Variants in CEP128 observed in about 807,000 individuals in gnomAD.
CEP128 encodes centrosomal protein 128kDa.
In CEP128, 132 loss-of-function variants were observed where a neutral mutation model predicts 156.7. The observed-to-expected ratio is 0.84, with a 90% CI of 0.73 to 0.97. The LOEUF is 0.97. Among genes scored for constraint, CEP128 ranks in the 50% least tolerant of loss-of-function variants. The pLI is 0.00. For missense variants in CEP128, 1,252 were observed against 1,281.9 expected (o/e 0.98, Z 0.36); for synonymous variants, 469 against 448.9 (o/e 1.04, Z -0.57).
At chr14:80,498,140 G>A (rs76262263) in intron 24 of CEP128, among the ~76,000 whole-genome samples, 1,687 of 152,062 alleles carry the variant, frequency 0.011, 34 homozygotes, top group African/African-American at 0.038. Context: ...TGATATACCC[G>A]TCTGCCCAGT....
intron 19 of CEP128, among the ~76,000 whole-genome samples, chr14:80,682,344 T>A (rs1055664960): frequency 6.6e-6 from 1 of 152,046 alleles, no homozygotes; most frequent in African/African-American, 2.4e-5. Context: ...AAGAAAAAAA[T>A]TCACAGCTTG....
At chr14:80,871,846 A>G (rs915434258) in intron 8 of CEP128, among the ~76,000 whole-genome samples, 1 of 152,126 alleles carries the variant, frequency 6.6e-6, no homozygotes, top group African/African-American at 2.4e-5. Context: ...GGCTTTTAAG[A>G]TTAGTATTTA....
In CEP128 at chr14:80,785,388, T is replaced by C. The variant is rs1901351040; in HGVS notation, c.1718A>G (p.His573Arg). The change falls in exon 15 of 25, where the codon CAT becomes CGT. Residue 573 changes from histidine (H) to arginine (R), a missense_variant. Coordinates refer to ENST00000555265, the MANE Select transcript of CEP128 (RefSeq NM_152446.5). Reference protein sequence around the residue: ...KEEKLRDIKSHQADLELEVKN... With the variant: ...KEEKLRDIKSRQADLELEVKN... ...AACTTCCAATTCAAGGTCAGCTTGA[T>C]GAGACTTAATATCACGTAATTTCTC... The C allele has an allele frequency of 6.2e-7, 1 of 1,613,342 alleles. No homozygotes were observed.
chr14:80,771,448 T>C (rs1185948649), intron 16 of CEP128, among the ~76,000 whole-genome samples: 2 of 152,256 alleles, frequency 1.3e-5, no homozygotes, highest in Non-Finnish European at 2.9e-5. Context: ...GAATTATAAC[T>C]ACCATTTTTT....
At chr14:80,798,883 T>G (rs73344643) in intron 13 of CEP128, among the ~76,000 whole-genome samples, 4,130 of 152,320 alleles carry the variant, frequency 0.027, 79 homozygotes, top group Middle Eastern at 0.071. Context: ...TTGGGCACCT[T>G]GGTGAACATT....
intron 19 of CEP128, among the ~76,000 whole-genome samples, chr14:80,704,516 A>G (rs1897174305): frequency 6.6e-6 from 1 of 152,064 alleles, no homozygotes; most frequent in Non-Finnish European, 1.5e-5. Context: ...GCTCTAATGC[A>G]AGTTTTTATG....
At chr14:80,656,479 C>T (rs1363074723) in intron 19 of CEP128, among the ~76,000 whole-genome samples, 1 of 150,754 alleles carries the variant, frequency 6.6e-6, no homozygotes, top group Non-Finnish European at 1.5e-5. Flanking sequence ...AATATGAGAG[C>T]CGTGAGTAAA....
chr14:80,800,351 TAA>T (rs1281656064), intron 13 of CEP128, among the ~76,000 whole-genome samples: 3 of 152,232 alleles, frequency 2.0e-5, no homozygotes, highest in African/African-American at 7.2e-5. Flanking sequence ...AGGAACTCGA[TAA>T]AGAGAACTTT....
At chr14:80,732,781 T>C (rs1898341741) in intron 19 of CEP128, among the ~76,000 whole-genome samples, 1 of 151,974 alleles carries the variant, frequency 6.6e-6, no homozygotes, top group African/African-American at 2.4e-5. Flanking sequence ...GGAAAAATAA[T>C]CTGTGTTGGA....
At chr14:80,491,099 A>T (rs1446108023) in intron 6 of CEP128, among the ~76,000 whole-genome samples, 1 of 152,216 alleles carries the variant, frequency 6.6e-6, no homozygotes, top group Non-Finnish European at 1.5e-5. Context: ...CAAAACTATG[A>T]TTTACCCTCA....
upstream of CEP128, among the ~76,000 whole-genome samples, chr14:80,942,714 T>C (rs1886217517): frequency 6.6e-6 from 1 of 152,092 alleles, no homozygotes; most frequent in Admixed American, 6.6e-5. Flanking sequence ...GACCTAACCT[T>C]TTTTGTACAT....
At chr14:80,927,780 T>C (rs1464370004) in intron 2 of CEP128, among the ~76,000 whole-genome samples, 1 of 152,212 alleles carries the variant, frequency 6.6e-6, no homozygotes, top group African/African-American at 2.4e-5. Flanking sequence ...TGTAGCTGTT[T>C]TTCACCATGG....
intron 19 of CEP128, among the ~76,000 whole-genome samples, chr14:80,723,744 A>C (rs946771126): frequency 4.6e-5 from 7 of 152,208 alleles, no homozygotes; most frequent in African/African-American, 1.4e-4. Context: ...TGGAAGCATG[A>C]GCAGGGTTCC....
rs766724436 is a variant in CEP128 at position 80,856,720 on chromosome 14, C to CTTT, written c.762+6034_762+6036dup. Among the ~76,000 whole-genome samples, 42 of 65,190 alleles carry CTTT rather than the reference C, an allele frequency of 6.4e-4. 3 individuals are homozygous for CTTT. The highest frequency in any genetic ancestry group is 8.4e-4 in the Non-Finnish European group (30 of 35,598). The allele number at this position is 65,190 out of a possible 152,430, so 42.8% of individuals were successfully genotyped here. A position where few individuals can be genotyped will look rare whatever the true frequency, so the allele number is the denominator to read the frequency against. ...AGCATTTATCTCATGTTTTTCTTTT[C>CTTT]TTTTTTTTTTTTTTTTTTTTTTTTT... On this transcript the variant is annotated intron_variant, in intron 9 of 24. Coordinates refer to ENST00000555265, the MANE Select transcript of CEP128 (RefSeq NM_152446.5).
intron 21 of CEP128, 52 bp from the exon 22 acceptor site, chr14:80,530,938 T>C: frequency 8.4e-7 from 1 of 1,192,404 alleles, no homozygotes; most frequent in South Asian, 1.4e-5. Context: ...TGATTAATAC[T>C]CTCAGAATCC....
chr14:80,685,580 A>C (rs1014559650), intron 19 of CEP128, among the ~76,000 whole-genome samples: 1 of 152,060 alleles, frequency 6.6e-6, no homozygotes, highest in Non-Finnish European at 1.5e-5. Context: ...ACTTGTTCAC[A>C]TAACTAAAAA....
intron 23 of CEP128, among the ~76,000 whole-genome samples, chr14:80,519,859 C>T (rs960046974): frequency 3.3e-5 from 5 of 152,126 alleles, no homozygotes; most frequent in Non-Finnish European, 7.4e-5. Context: ...AATAAATGGT[C>T]ATATGATGAT....
At chr14:80,798,592 A>G (rs1883636238) in intron 13 of CEP128, among the ~76,000 whole-genome samples, 1 of 152,188 alleles carries the variant, frequency 6.6e-6, no homozygotes, top group Non-Finnish European at 1.5e-5. Flanking sequence ...AATAAACTAT[A>G]TTTTTTGTAG....
At chr14:80,645,917 A>G (rs947447037) in intron 19 of CEP128, among the ~76,000 whole-genome samples, 7 of 152,198 alleles carry the variant, frequency 4.6e-5, no homozygotes, top group Admixed American at 3.9e-4. Flanking sequence ...AGCCATGAAA[A>G]GACATAGAGA....
Sources: gnomAD v4.1 joint callset for allele counts (sites outside exome capture counted in the v4.1 genomes callset) on GRCh38, gnomAD v4.1.1 for gene constraint, MANE v1.5 for transcripts, NCBI Gene and HGNC (gene_info 2026-07-23, HGNC 2026-07-21) for gene names.